Variants in ZNF79 observed in about 807,000 individuals in gnomAD.
ZNF79 encodes zinc finger protein 79.
A neutral mutation model predicts 14.9 loss-of-function variants in ZNF79; 13 were observed. The observed-to-expected ratio is 0.87, with a 90% confidence interval of 0.57 to 1.38. The LOEUF (loss-of-function observed/expected upper bound fraction) is 1.38, where lower values mean the gene tolerates loss of function less well. Ranked by LOEUF, ZNF79 falls within the 40% of genes most tolerant of loss-of-function variation. The pLI is 0.00. For synonymous variants in ZNF79, 223 were observed against 235.1 expected (o/e 0.95, Z 0.47); for missense variants, 631 against 630.6 (o/e 1.00, Z -0.01).
intron 2 of ZNF79, among the ~76,000 whole-genome samples, chr9:127,433,629 T>C (rs1429596388): frequency 1.3e-5 from 2 of 152,186 alleles, no homozygotes; most frequent in African/African-American, 4.8e-5. Context: ...GCCTTACAGC[T>C]CCTGCCCAGA....
intron 4 of ZNF79, among the ~76,000 whole-genome samples, chr9:127,438,771 G>A (rs753280920): frequency 1.2e-4 from 18 of 152,162 alleles, no homozygotes; most frequent in Non-Finnish European, 2.1e-4. Flanking sequence ...GTCAGAGAGA[G>A]AGATTCTGTT....
rs1191920935 is a variant in ZNF79, at chr9:127,424,515, G to A, written c.-273G>A. ...TTGCCAGTCGTTTTTCGGAAAGCTG[G>A]CAGCGGCTTTTTCACCGGGTTCTGC... is the stretch of plus-strand genomic sequence containing the variant. On this transcript the variant is annotated 5_prime_UTR_variant, in exon 1 of 5. Transcript: ENST00000342483. 1.7e-5 allele frequency: 7 copies of A among 418,424 alleles called. No homozygotes were observed. In the Admixed American group the frequency reaches 2.2e-4, roughly 13 times the overall value. 25.9% of individuals were successfully genotyped at this position (418,424 alleles called of 1,614,324 possible).
chr9:127,428,970 C>T (rs753464774), intron 2 of ZNF79, 50 bp downstream of exon 2: 4 of 1,257,730 alleles, frequency 3.2e-6, no homozygotes, highest in South Asian at 1.5e-5. Context: ...CCCCCTAATA[C>T]TAATGGTAGG....
chr9:127,429,110 G>A (rs573399594), intron 2 of ZNF79, among the ~76,000 whole-genome samples, 190 bp downstream of exon 2: 1 of 152,280 alleles, frequency 6.6e-6, no homozygotes, highest in Non-Finnish European at 1.5e-5. Context: ...CACATGCTGG[G>A]TTCAAGCAAT....
At position 127,444,459 on chromosome 9, in the gene ZNF79, A is replaced by C; in HGVS notation, c.759A>C (p.Glu253Asp). Residue 253 changes from glutamate to aspartate, a missense_variant, in exon 5 of 5, where the codon GAA becomes GAC. Transcript: ENST00000342483. Reference protein sequence around the residue: ...HTGEKPYKCSECGRAFSQNAN... With the variant: ...HTGEKPYKCSDCGRAFSQNAN... ...GAGAGAAGCCTTACAAGTGCAGTGA[A>C]TGTGGAAGAGCCTTCAGCCAGAACG... 1.2e-6 allele frequency: 2 copies of C among 1,609,164 alleles called. No homozygotes were observed. The highest frequency in any genetic ancestry group is 1.7e-6 in the Non-Finnish European group (2 of 1,176,728).
At chr9:127,443,967 T>C (rs1419541580) in intron 4 of ZNF79, 62 bp from the exon 5 acceptor site, 1 of 1,381,424 alleles carries the variant, frequency 7.2e-7, no homozygotes, top group East Asian at 2.4e-5. Context: ...TTGGCCAGAC[T>C]CCTTCAGCCT....
At chr9:127,441,710 C>T (rs960525657) in intron 4 of ZNF79, among the ~76,000 whole-genome samples, 2 of 152,150 alleles carry the variant, frequency 1.3e-5, no homozygotes, top group Admixed American at 1.3e-4. Flanking sequence ...CTTTGGGAGG[C>T]CGAGGCAGGC....
rs551750821 is a variant in ZNF79 at position 127,430,465 on chromosome 9, T to G, written c.105+1545T>G. Among the ~76,000 whole-genome samples, 33 of 152,284 alleles carry G rather than the reference T, an allele frequency of 2.2e-4. 1 individual carries two copies. The highest frequency in any genetic ancestry group is 7.9e-4 in the African/African-American group (33 of 41,550). ...TCCCCAGCAGTTTTTGTTCCCATCT[T>G]TGTGTCCATATATACTTGGTATTTA... is the stretch of plus-strand genomic sequence containing the variant. On this transcript the variant is annotated intron_variant, in intron 2 of 4. Coordinates refer to ENST00000342483, the MANE Select transcript of ZNF79 (RefSeq NM_007135.3).
chr9:127,444,663 G>A lies in ZNF79; in HGVS notation c.963G>A (p.Thr321=), dbSNP rs113446664. ...GKAFRHSANL[T]NHQRTHTGEK... ...CCTTCCGTCACAGTGCAAACCTCAC[G>A]AACCATCAGAGGACTCACACCGGGG... Residue 321 remains threonine, a synonymous_variant, in exon 5 of 5, where the codon ACG becomes ACA. Coordinates refer to ENST00000342483, the MANE Select transcript of ZNF79 (RefSeq NM_007135.3). The A allele has an allele frequency of 8.5e-5, 137 of 1,607,548 alleles. No individual in the cohort carries two copies. The highest frequency in any genetic ancestry group is 8.6e-5 in the Non-Finnish European group (101 of 1,178,024).
intron 1 of ZNF79, among the ~76,000 whole-genome samples, chr9:127,427,165 C>T (rs1317290075): frequency 1.3e-5 from 2 of 150,510 alleles, no homozygotes; most frequent in Admixed American, 1.3e-4. Flanking sequence ...CACCTGTAAT[C>T]CCAGCACTTT....
intron 4 of ZNF79, among the ~76,000 whole-genome samples, chr9:127,436,481 C>T (rs1833949981): frequency 6.6e-6 from 1 of 152,228 alleles, no homozygotes; most frequent in South Asian, 2.1e-4. Flanking sequence ...CCTGCTTTCT[C>T]ACTGCGTGGC....
chr9:127,445,173 T>A lies in ZNF79; in HGVS notation c.1473T>A (p.His491Gln). Residue 491 changes from histidine (H) to glutamine (Q), a missense_variant, in exon 5 of 5, where the codon CAT becomes CAA. Transcript: ENST00000342483. ...GGTGCAGCTCTGCCTTCGTTAGACA[T>A]CAGAGACTCCACGCCGGAGAGTAAC... ...AFRCSSAFVRHQRLHAGE is the reference protein window; with the variant it reads ...AFRCSSAFVRQQRLHAGE 6.2e-7 allele frequency: 1 copy of A among 1,614,102 alleles called. No individual in the cohort carries two copies. The highest frequency in any genetic ancestry group is 1.1e-5 in the South Asian group (1 of 91,068).
intron 4 of ZNF79, among the ~76,000 whole-genome samples, chr9:127,442,843 CAGTG>C (rs1834073398): frequency 6.6e-6 from 1 of 151,712 alleles, no homozygotes; most frequent in Non-Finnish European, 1.5e-5. Context: ...GCCTGGGTGA[CAGTG>C]AGATCCTGTC....
At chr9:127,428,494 T>G (rs1036769116) in intron 1 of ZNF79, 22 of 191,952 alleles carry the variant, frequency 1.1e-4, no homozygotes, top group Non-Finnish European at 2.0e-4. Flanking sequence ...ATCTGTATGT[T>G]CCTTTAATCT....
rs775088528 is a variant in ZNF79 at position 127,424,466 on chromosome 9, C to G, written c.-322C>G. ...GCGGTTCTTGAGCTCTCGCGGTTGC[C>G]GGTAGATTGTTGCCAGTTGCCAGTT... On this transcript the variant is annotated 5_prime_UTR_variant, in exon 1 of 5. Transcript: ENST00000342483. The G allele has an allele frequency of 5.8e-6, 2 of 345,388 alleles. No homozygotes were observed. Among genetic ancestry groups the G allele is most frequent in the Admixed American group, 4.1e-5 (1 of 24,656 alleles). The allele number at this position is 345,388 out of a possible 1,614,324, so 21.4% of individuals were successfully genotyped here. A position where few individuals can be genotyped will look rare whatever the true frequency, so the allele number is the denominator to read the frequency against.
chr9:127,433,349 T>C (rs1166025835), intron 2 of ZNF79, among the ~76,000 whole-genome samples: 3 of 152,112 alleles, frequency 2.0e-5, no homozygotes, highest in African/African-American at 7.2e-5. Context: ...GCCAGCTAGG[T>C]GAACAGAGGC....
At chr9:127,435,579 T>C (rs1431980133) in intron 3 of ZNF79, among the ~76,000 whole-genome samples, 1 of 152,188 alleles carries the variant, frequency 6.6e-6, no homozygotes, top group African/African-American at 2.4e-5. Context: ...AGAAACGTTT[T>C]ATGTAGCCTT....
intron 2 of ZNF79, among the ~76,000 whole-genome samples, chr9:127,429,568 C>G (rs1026103285): frequency 5.3e-5 from 8 of 149,896 alleles, no homozygotes; most frequent in African/African-American, 2.0e-4. Context: ...TGGGCTCAAG[C>G]TATCCTCCAG....
intron 4 of ZNF79, among the ~76,000 whole-genome samples, chr9:127,437,168 C>CGA (rs2131955257): frequency 6.6e-6 from 1 of 152,118 alleles, no homozygotes; most frequent in Non-Finnish European, 1.5e-5. Flanking sequence ...GCCCCTGGAG[C>CGA]ATTCTTTGCA....
Sources: allele counts gnomAD v4.1 joint callset (sites outside exome capture counted in the v4.1 genomes callset), GRCh38; gene constraint gnomAD v4.1.1; transcripts MANE v1.5; gene names NCBI Gene and HGNC (gene_info 2026-07-23, HGNC 2026-07-21).